ITPR1: variants seen among roughly 807,000 people sequenced by gnomAD.
The protein encoded by ITPR1 is inositol 1,4,5-trisphosphate-gated calcium channel ITPR1.
A neutral mutation model predicts 318.4 loss-of-function variants in ITPR1; 96 were observed. That is an observed-to-expected ratio of 0.30 (90% CI 0.26 to 0.36). The LOEUF (loss-of-function observed/expected upper bound fraction) is 0.36, where lower values mean the gene tolerates loss of function less well. ITPR1 is among the 10% of genes least tolerant of loss of function. ITPR1 has a pLI of 1.00. For missense variants in ITPR1, 2,440 were observed against 3,460.2 expected, an observed-to-expected ratio of 0.71 and a Z score of 7.40; for synonymous variants, 1,312 against 1,289.9, an observed-to-expected ratio of 1.02 and a Z score of -0.37.
chr3:4,667,832 T>C (rs1437014634), intron 18 of ITPR1, among the ~76,000 whole-genome samples: 2 of 152,304 alleles, frequency 1.3e-5, no homozygotes, highest in East Asian at 3.9e-4. Flanking sequence ...TAAATGAGAA[T>C]AAACGCAGGT....
rs770061669 is a variant in ITPR1 at position 4,733,111 on chromosome 3, G to C, written c.5244G>C (p.Leu1748=). The C allele has an allele frequency of 1.9e-6, 3 of 1,613,436 alleles. No homozygotes were observed. Among genetic ancestry groups the C allele is most frequent in the Non-Finnish European group, 2.5e-6 (3 of 1,179,662 alleles). ...AGGGTGAGGCGCTCAGGCAAGTTCT[G>C]GTCAACCGTTACTATGGAAACGTCA... The part of the protein sequence containing the change: ...HKRGEALRQV[L]VNRYYGNVRP... The change falls in exon 43 of 62, where the codon CTG becomes CTC. Residue 1748 remains leucine, a synonymous_variant. Transcript: ENST00000649015.
chr3:4,580,362 G>A (rs534089697), intron 4 of ITPR1, among the ~76,000 whole-genome samples: 2 of 152,332 alleles, frequency 1.3e-5, no homozygotes, highest in South Asian at 4.1e-4. Flanking sequence ...GTTCAAACAA[G>A]TGGTTTTTAA....
chr3:4,664,051 T>C (rs1461067467), intron 16 of ITPR1, among the ~76,000 whole-genome samples: 3 of 152,234 alleles, frequency 2.0e-5, no homozygotes, highest in African/African-American at 7.2e-5. Context: ...GTTAGGAACC[T>C]CAAGAAACAT....
chr3:4,565,939 T>C (rs1469989611), intron 4 of ITPR1, among the ~76,000 whole-genome samples: 1 of 152,210 alleles, frequency 6.6e-6, no homozygotes, highest in Non-Finnish European at 1.5e-5. Flanking sequence ...TCCTTTTCAT[T>C]TATTGCCATT....
intron 4 of ITPR1, among the ~76,000 whole-genome samples, chr3:4,559,734 C>A (rs1344326258): frequency 3.3e-5 from 5 of 152,170 alleles, no homozygotes; most frequent in Non-Finnish European, 5.9e-5. Context: ...TTTATCCATA[C>A]CACACACTGT....
At chr3:4,778,763 C>T (rs561722282) in intron 48 of ITPR1, among the ~76,000 whole-genome samples, 1 of 152,092 alleles carries the variant, frequency 6.6e-6, no homozygotes, top group East Asian at 1.9e-4. Context: ...TTGTGCCCTG[C>T]GATAGCATGA....
At chr3:4,566,941 T>TA (rs1426945714) in intron 4 of ITPR1, among the ~76,000 whole-genome samples, 1 of 152,226 alleles carries the variant, frequency 6.6e-6, no homozygotes, top group East Asian at 1.9e-4. Context: ...GTCTTTCTCC[T>TA]AGCTGTGTAT....
chr3:4,621,638 C>T (rs944710799), intron 4 of ITPR1, among the ~76,000 whole-genome samples: 4 of 152,188 alleles, frequency 2.6e-5, no homozygotes, highest in Non-Finnish European at 4.4e-5. Flanking sequence ...TAGGATGAGT[C>T]GATGCCTTCC....
rs138950028 is a variant in ITPR1, at chr3:4,837,692, C to T, written c.8190+757C>T. ...GGGGACATGTTTATACAAAACCGTG[C>T]GTACTCTGTTTCTGCCCTTTTGACT... On this transcript the variant is annotated intron_variant, in intron 61 of 61. Coordinates refer to ENST00000649015, the MANE Select transcript of ITPR1 (RefSeq NM_001378452.1). 2.4e-3 allele frequency among the ~76,000 whole-genome samples: 370 copies of T among 152,072 alleles called. 2 individuals are homozygous for T. Among genetic ancestry groups the T allele is most frequent in the African/African-American group, 8.0e-3 (334 of 41,506 alleles).
chr3:4,719,970 G>A (rs2042033728), intron 40 of ITPR1, among the ~76,000 whole-genome samples: 2 of 152,124 alleles, frequency 1.3e-5, no homozygotes, highest in South Asian at 4.1e-4. Flanking sequence ...TGTACCTTCC[G>A]CTCAGAGCTG....
chr3:4,610,253 G>A lies in ITPR1; in HGVS notation c.164-17510G>A, dbSNP rs554154571. On this transcript the variant is annotated intron_variant, in intron 4 of 61. Transcript: ENST00000649015. Reference sequence around the variant, plus strand: ...GGGCTGGGTTAGTGCTCCTCTGTGCGCCAGACACCTTGGAGTTTCCTGTTG... The same window carrying A: ...GGGCTGGGTTAGTGCTCCTCTGTGCACCAGACACCTTGGAGTTTCCTGTTG... Among the ~76,000 whole-genome samples the A allele has an allele frequency of 1.9e-4, 29 of 152,232 alleles. No homozygotes were observed. The South Asian group carries it at 3.7e-3, about 20-fold the overall frequency.
Position 4,706,497 on chromosome 3 carries a change from G to A in ITPR1, c.4842+146G>A, listed in dbSNP as rs140185251. The A allele has an allele frequency of 3.0e-4, 197 of 664,854 alleles. No individual in the cohort carries two copies. In the African/African-American group the frequency reaches 3.1e-3, roughly 10 times the overall value. The allele number at this position is 664,854 out of a possible 1,614,324, so 41.2% of individuals were successfully genotyped here. A position where few individuals can be genotyped will look rare whatever the true frequency, so the allele number is the denominator to read the frequency against. On this transcript the variant is annotated intron_variant, in intron 37 of 61. Transcript: ENST00000649015. ...GAACGAATAGTCAAATGTTATATAT[G>A]TAGGGCCAGGAGTGGGAAGTTACTT...
chr3:4,814,228 G>A, intron 57 of ITPR1, 195 bp from the exon 58 acceptor site: 1 of 612,344 alleles, frequency 1.6e-6, no homozygotes. Context: ...GAAATTAGCG[G>A]GGGTTAGCGA....
chr3:4,544,489 G>T (rs919878089), intron 4 of ITPR1, among the ~76,000 whole-genome samples: 2 of 152,218 alleles, frequency 1.3e-5, no homozygotes, highest in African/African-American at 2.4e-5. Flanking sequence ...AGGCTTTAAT[G>T]AGTAATAGGC....
At chr3:4,715,141 G>C (rs1267037166) in intron 39 of ITPR1, among the ~76,000 whole-genome samples, 1 of 152,166 alleles carries the variant, frequency 6.6e-6, no homozygotes, top group Non-Finnish European at 1.5e-5. Context: ...GGGTTACATA[G>C]TTAATTACAA....
intron 4 of ITPR1, among the ~76,000 whole-genome samples, chr3:4,584,774 G>GA (rs1375408730): frequency 6.6e-6 from 1 of 151,650 alleles, no homozygotes; most frequent in Non-Finnish European, 1.5e-5. Context: ...GTCACAGAAA[G>GA]ACCCCCGTTC....
At chr3:4,638,848 C>T (rs2093267773) in intron 5 of ITPR1, among the ~76,000 whole-genome samples, 1 of 152,122 alleles carries the variant, frequency 6.6e-6, no homozygotes, top group Admixed American at 6.6e-5. Context: ...TCCATGTGTG[C>T]TACAGTGTAT....
intron 5 of ITPR1, among the ~76,000 whole-genome samples, chr3:4,636,802 T>C (rs1419368474): frequency 6.6e-6 from 1 of 152,246 alleles, no homozygotes; most frequent in African/African-American, 2.4e-5. Flanking sequence ...TGTTCTTCTC[T>C]TGCCTTTCAT....
In ITPR1 at chr3:4,663,001, G is replaced by A. The variant is rs933067070; in HGVS notation, c.1413-64G>A. Reference sequence around the variant, plus strand: ...GCTCATTCGTCCAGAAGGCTTCCAAGGCAAAGCTTCCAGCCTGCTGAACAC... The same window carrying A: ...GCTCATTCGTCCAGAAGGCTTCCAAAGCAAAGCTTCCAGCCTGCTGAACAC... On this transcript the variant is annotated intron_variant, in intron 15 of 61. Coordinates refer to ENST00000649015, the MANE Select transcript of ITPR1 (RefSeq NM_001378452.1). 7.3e-6 allele frequency: 11 copies of A among 1,505,790 alleles called. No individual in the cohort carries two copies. In the African/African-American group the frequency reaches 1.5e-4, roughly 21 times the overall value. The allele number at this position is 1,505,790 out of a possible 1,614,324, so 93.3% of individuals were successfully genotyped here.
Sources: gnomAD v4.1 joint callset for allele counts (sites outside exome capture counted in the v4.1 genomes callset) on GRCh38, gnomAD v4.1.1 for gene constraint, MANE v1.5 for transcripts, NCBI Gene and HGNC (gene_info 2026-07-23, HGNC 2026-07-21) for gene names.